ITGA8: variants seen among roughly 807,000 people sequenced by gnomAD.
ITGA8 encodes integrin alpha-8.
A neutral mutation model predicts 142.3 loss-of-function variants in ITGA8; 91 were observed. The observed-to-expected ratio is 0.64, with a 90% CI of 0.54 to 0.76. The LOEUF (loss-of-function observed/expected upper bound fraction) is 0.76, where lower values mean the gene tolerates loss of function less well. ITGA8 is among the 30% of genes least tolerant of loss of function. ITGA8 has a pLI of 0.00. For missense variants in ITGA8, 1,406 were observed against 1,327.7 expected (o/e 1.06, Z -0.92); for synonymous variants, 505 against 485.2 (o/e 1.04, Z -0.54).
At chr10:15,654,917 C>T (rs1324787933) in intron 11 of ITGA8, among the ~76,000 whole-genome samples, 10 of 152,186 alleles carry the variant, frequency 6.6e-5, no homozygotes, top group Non-Finnish European at 1.3e-4. Flanking sequence ...TAATTTACTA[C>T]TGTAATCTGA....
intron 10 of ITGA8, among the ~76,000 whole-genome samples, chr10:15,657,437 C>A (rs1484406454): frequency 6.6e-6 from 1 of 151,564 alleles, no homozygotes; most frequent in East Asian, 1.9e-4. Context: ...ACTAAAGCCC[C>A]AAATTACAGC....
Position 15,548,451 on chromosome 10 carries a change from T to C in ITGA8, c.2880+4A>G. 3 of 1,602,616 alleles carry C rather than the reference T, an allele frequency of 1.9e-6. No individual in the cohort carries two copies. Among genetic ancestry groups the C allele is most frequent in the Non-Finnish European group, 2.6e-6 (3 of 1,172,450 alleles). On this transcript the variant is annotated splice_donor_region_variant and intron_variant, in intron 27 of 29. Coordinates refer to ENST00000378076, the MANE Select transcript of ITGA8 (RefSeq NM_003638.3). ...GTGTATGTGCTTCTGTGGTTGTTTA[T>C]TACCTGGAGGAAGGTGTGGGCCCAT...
rs1227934521 is a variant in ITGA8, at chr10:15,684,021, A to T, written c.551T>A (p.Phe184Tyr). Residue 184 changes from phenylalanine (F) to tyrosine (Y), a missense_variant, in exon 4 of 30, where the codon TTC (phenylalanine) becomes TAC (tyrosine). Coordinates refer to ENST00000378076, the MANE Select transcript of ITGA8 (RefSeq NM_003638.3). Reference protein sequence around the residue: ...AIQNFSAYAEFSPCRNSNADP... With the variant: ...AIQNFSAYAEYSPCRNSNADP... ...TTGCTTACTGTTCCGGCAAGGAGAG[A>T]ACTCGGCATAGGCGCTGAAGTTCTG... 6.8e-6 allele frequency: 11 copies of T among 1,614,140 alleles called. No individual in the cohort carries two copies. The highest frequency in any genetic ancestry group is 1.1e-5 in the South Asian group (1 of 91,066).
At chr10:15,604,044 A>C (rs771981195) in intron 20 of ITGA8, among the ~76,000 whole-genome samples, 164 bp downstream of exon 20, 7 of 152,096 alleles carry the variant, frequency 4.6e-5, no homozygotes, top group Non-Finnish European at 1.0e-4. Context: ...GTGTAAGCCC[A>C]CCCCTGCTTT....
At chr10:15,643,995 T>C in intron 13 of ITGA8, 35 bp downstream of exon 13, 1 of 1,583,636 alleles carries the variant, frequency 6.3e-7, no homozygotes, top group Admixed American at 1.7e-5. Context: ...TTTCAGGACG[T>C]AGACTCTCAC....
At chr10:15,597,126 T>C in intron 21 of ITGA8, 81 bp downstream of exon 21, 1 of 1,083,316 alleles carries the variant, frequency 9.2e-7, no homozygotes, top group Non-Finnish European at 1.4e-6. Flanking sequence ...AGTTGCTGAG[T>C]GGTAACTGGA....
intron 12 of ITGA8, among the ~76,000 whole-genome samples, chr10:15,645,062 G>A (rs1833953663): frequency 8.2e-6 from 1 of 121,270 alleles, no homozygotes; most frequent in East Asian, 2.6e-4. Context: ...TCGTGCCACT[G>A]CACTCTAGCC....
chr10:15,580,231 A>G (rs2075145631), intron 23 of ITGA8, among the ~76,000 whole-genome samples: 1 of 151,962 alleles, frequency 6.6e-6, no homozygotes, highest in African/African-American at 2.4e-5. Context: ...TAAAAGGACA[A>G]TGAGAGAATA....
intron 8 of ITGA8, among the ~76,000 whole-genome samples, chr10:15,666,309 G>A (rs1042260448): frequency 6.6e-6 from 1 of 151,930 alleles, no homozygotes; most frequent in African/African-American, 2.4e-5. Context: ...TCATGATTTG[G>A]CTCTCTGTTT....
At chr10:15,639,418 G>T (rs1833830182) in intron 13 of ITGA8, among the ~76,000 whole-genome samples, 1 of 152,146 alleles carries the variant, frequency 6.6e-6, no homozygotes, top group South Asian at 2.1e-4. Flanking sequence ...CCATCTCAGA[G>T]TCAGTCATCA....
At chr10:15,644,473 T>G (rs1386499913) in intron 12 of ITGA8, among the ~76,000 whole-genome samples, 4 of 24,220 alleles carry the variant, frequency 1.7e-4, no homozygotes, top group Non-Finnish European at 2.1e-4. Flanking sequence ...TATATATATA[T>G]ATATATATAT....
At chr10:15,581,542 C>T (rs1834406461) in intron 23 of ITGA8, among the ~76,000 whole-genome samples, 1 of 152,138 alleles carries the variant, frequency 6.6e-6, no homozygotes, top group Admixed American at 6.5e-5. Flanking sequence ...TGGGAATCAC[C>T]TGAATCTGCA....
At chr10:15,656,927 G>A (rs1822119450) in intron 10 of ITGA8, among the ~76,000 whole-genome samples, 1 of 152,210 alleles carries the variant, frequency 6.6e-6, no homozygotes, top group Admixed American at 6.5e-5. Flanking sequence ...TTTCTGAGCA[G>A]TGTCTGGACC....
chr10:15,712,182 A>G (rs1244350863), intron 2 of ITGA8, among the ~76,000 whole-genome samples: 1 of 152,248 alleles, frequency 6.6e-6, no homozygotes, highest in African/African-American at 2.4e-5. Flanking sequence ...ATTTTGAAAA[A>G]TAAAAATTAT....
At chr10:15,668,879 T>G (rs191648254) in intron 8 of ITGA8, among the ~76,000 whole-genome samples, 13 of 152,368 alleles carry the variant, frequency 8.5e-5, no homozygotes, top group Admixed American at 6.5e-5. Context: ...GAGTTTCTGC[T>G]GAGAGATTAG....
intron 22 of ITGA8, among the ~76,000 whole-genome samples, chr10:15,587,200 C>T (rs930914982): frequency 2.0e-5 from 3 of 152,150 alleles, no homozygotes; most frequent in Admixed American, 6.5e-5. Flanking sequence ...GGATTACAGG[C>T]GTGAGCCACC....
At chr10:15,678,534 T>G (rs528745478) in intron 5 of ITGA8, among the ~76,000 whole-genome samples, 188 bp downstream of exon 5, 1 of 152,290 alleles carries the variant, frequency 6.6e-6, no homozygotes, top group South Asian at 2.1e-4. Flanking sequence ...GCATAAATTA[T>G]TTACATAAAA....
At chr10:15,605,921 C>A in intron 18 of ITGA8, 130 bp from the exon 19 acceptor site, 1 of 749,284 alleles carries the variant, frequency 1.3e-6, no homozygotes, top group Non-Finnish European at 2.3e-6. Context: ...TCTACCCAAG[C>A]CAATAGCCTA....
chr10:15,575,687 T>C, intron 23 of ITGA8, 93 bp from the exon 24 acceptor site: 2 of 993,894 alleles, frequency 2.0e-6, no homozygotes, highest in Admixed American at 1.9e-5. Context: ...CAGAAGAAAG[T>C]GGTTTTCAAT....
Sources: gnomAD v4.1 joint callset for allele counts (sites outside exome capture counted in the v4.1 genomes callset) on GRCh38, gnomAD v4.1.1 for gene constraint, MANE v1.5 for transcripts, NCBI Gene and HGNC (gene_info 2026-07-23, HGNC 2026-07-21) for gene names.